The following CTIF variants were observed in gnomAD, a reference collection of about 807,000 sequenced individuals.
CTIF encodes cap binding complex dependent translation initiation factor, also known as CBP80/20-dependent translation initiation factor.
In CTIF, 21 loss-of-function variants were observed where a neutral mutation model predicts 66.0. The observed-to-expected ratio is 0.32, with a 90% CI of 0.23 to 0.46. The LOEUF is 0.46. Among genes scored for constraint, CTIF ranks in the 20% least tolerant of loss-of-function variants. The pLI is 1.00. For missense variants in CTIF, 739 were observed against 812.7 expected (o/e 0.91, Z 1.10); for synonymous variants, 345 against 326.4 (o/e 1.06, Z -0.62).
At chr18:48,748,575 G>A (rs1395227546) in intron 7 of CTIF, among the ~76,000 whole-genome samples, 2 of 152,190 alleles carry the variant, frequency 1.3e-5, no homozygotes, top group African/African-American at 4.8e-5. Context: ...CATAGCTGTT[G>A]TGAGGTCCGT....
chr18:48,623,038 A>C (rs2090525186), intron 2 of CTIF, among the ~76,000 whole-genome samples: 1 of 152,220 alleles, frequency 6.6e-6, no homozygotes, highest in African/African-American at 2.4e-5. Flanking sequence ...TTTTGAAAGG[A>C]GGTGCCCTCC....
At chr18:48,645,742 A>G (rs1048456526) in intron 3 of CTIF, among the ~76,000 whole-genome samples, 1 of 152,190 alleles carries the variant, frequency 6.6e-6, no homozygotes, top group African/African-American at 2.4e-5. Context: ...AGGGATGATG[A>G]GGCCAGCCCC....
At chr18:48,819,189 C>T (rs1298545570) in intron 10 of CTIF, among the ~76,000 whole-genome samples, 2 of 152,246 alleles carry the variant, frequency 1.3e-5, no homozygotes, top group Non-Finnish European at 2.9e-5. Flanking sequence ...TTCGCAGATT[C>T]AGACAATGGC....
At chr18:48,663,649 T>TG (rs1321279594) in intron 3 of CTIF, 103 bp from the exon 4 acceptor site, 1 of 1,029,546 alleles carries the variant, frequency 9.7e-7, no homozygotes, top group Non-Finnish European at 1.5e-6. Flanking sequence ...CATACTCACT[T>TG]GGGGGCTCAC....
intron 1 of CTIF, among the ~76,000 whole-genome samples, chr18:48,559,847 G>A (rs922286665): frequency 6.6e-6 from 1 of 152,092 alleles, no homozygotes; most frequent in African/African-American, 2.4e-5. Flanking sequence ...GACCTGTTGG[G>A]TACAGTGTTC....
chr18:48,769,191 G>A (rs1909869471), intron 9 of CTIF, among the ~76,000 whole-genome samples: 1 of 152,238 alleles, frequency 6.6e-6, no homozygotes, highest in Non-Finnish European at 1.5e-5. Flanking sequence ...CTCCAGGCAT[G>A]TAAACTAATT....
intron 3 of CTIF, among the ~76,000 whole-genome samples, chr18:48,657,615 C>T (rs961217756): frequency 6.6e-5 from 10 of 152,048 alleles, no homozygotes; most frequent in Non-Finnish European, 1.5e-4. Flanking sequence ...CGGGAGTGTG[C>T]AGGGTACGTG....
intron 6 of CTIF, among the ~76,000 whole-genome samples, chr18:48,691,212 G>A (rs9953732): frequency 0.19 from 29,432 of 152,106 alleles, 2,997 homozygotes; most frequent in Middle Eastern, 0.29. Context: ...AAAGTCTCCC[G>A]GCATTTCCAA....
At chr18:48,805,869 T>G (rs750044683) in intron 9 of CTIF, among the ~76,000 whole-genome samples, 7 of 152,248 alleles carry the variant, frequency 4.6e-5, no homozygotes, top group African/African-American at 9.6e-5. Context: ...TCTGACCACG[T>G]ACCGTGGGAT....
At chr18:48,781,625 A>G (rs1911233347) in intron 9 of CTIF, among the ~76,000 whole-genome samples, 1 of 152,132 alleles carries the variant, frequency 6.6e-6, no homozygotes, top group African/African-American at 2.4e-5. Flanking sequence ...AGCCAGCAGC[A>G]GGGTTCAGGG....
chr18:48,742,313 G>T (rs567556731), intron 7 of CTIF, among the ~76,000 whole-genome samples: 1 of 152,314 alleles, frequency 6.6e-6, no homozygotes, highest in African/African-American at 2.4e-5. Flanking sequence ...AAGGAGCAGG[G>T]CAGGTTACAG....
chr18:48,602,912 G>A (rs986195954), intron 1 of CTIF, among the ~76,000 whole-genome samples: 12 of 151,318 alleles, frequency 7.9e-5, no homozygotes, highest in South Asian at 2.1e-4. Context: ...TGGATGGGTG[G>A]ATGGCTAGAC....
At chr18:48,807,650 G>A (rs917326161) in intron 9 of CTIF, among the ~76,000 whole-genome samples, 5 of 148,366 alleles carry the variant, frequency 3.4e-5, no homozygotes, top group Admixed American at 6.7e-5. Flanking sequence ...GCGCAATCTC[G>A]GCTCACTGCA....
At position 48,672,285 on chromosome 18, in the gene CTIF, G is replaced by A. The variant is rs189164323; in HGVS notation, c.507+1541G>A. On this transcript the variant is annotated intron_variant, in intron 6 of 11. Transcript: ENST00000256413. ...ATAGGGCTGGCTGGTTCACTCGTCT[G>A]GCCTTGGGTCCTGAGGGTCAGCTGG... Among the ~76,000 whole-genome samples, 163 of 152,058 alleles carry A rather than the reference G, an allele frequency of 1.1e-3. 1 individual carries two copies. The highest frequency in any genetic ancestry group is 2.3e-3 in the Admixed American group (35 of 15,292).
At chr18:48,629,872 G>A (rs2090671121) in intron 2 of CTIF, among the ~76,000 whole-genome samples, 1 of 152,160 alleles carries the variant, frequency 6.6e-6, no homozygotes, top group Admixed American at 6.5e-5. Flanking sequence ...GTAAATGTTA[G>A]TAAGTGCAAT....
intron 7 of CTIF, among the ~76,000 whole-genome samples, chr18:48,713,072 G>A (rs1028478490): frequency 1.3e-5 from 2 of 152,172 alleles, no homozygotes; most frequent in Non-Finnish European, 2.9e-5. Context: ...TTATCGCATC[G>A]TGTGTGCTGC....
chr18:48,645,382 C>A (rs569936736), intron 3 of CTIF, among the ~76,000 whole-genome samples: 2 of 151,662 alleles, frequency 1.3e-5, no homozygotes, highest in South Asian at 4.2e-4. Flanking sequence ...AGGAAAAGAT[C>A]TAGCAAAACA....
At chr18:48,691,812 A>G (rs76348772) in intron 6 of CTIF, among the ~76,000 whole-genome samples, 3,031 of 152,086 alleles carry the variant, frequency 0.02, 33 homozygotes, top group Middle Eastern at 0.048. Flanking sequence ...TCCCTCATCT[A>G]TTCTTATCCT....
rs190152995 is a variant in CTIF, at chr18:48,796,911, G to C, written c.1372-20310G>C. ...GGCTGGAGATCTACAGTTTCCTTAA[G>C]ACCATCCTTTATAGAGCTCAGGTCT... is the stretch of plus-strand genomic sequence containing the variant. On this transcript the variant is annotated intron_variant, in intron 9 of 11. Coordinates refer to ENST00000256413, the MANE Select transcript of CTIF (RefSeq NM_014772.3). Among the ~76,000 whole-genome samples, 12 of 152,238 alleles carry C rather than the reference G, an allele frequency of 7.9e-5. No homozygotes were observed. In the East Asian group the frequency reaches 2.3e-3, roughly 29 times the overall value.
Sources: gnomAD v4.1 joint callset for allele counts (sites outside exome capture counted in the v4.1 genomes callset) on GRCh38, gnomAD v4.1.1 for gene constraint, MANE v1.5 for transcripts, NCBI Gene and HGNC (gene_info 2026-07-23, HGNC 2026-07-21) for gene names.